The following ITIH5 variants were observed in gnomAD, a reference collection of about 807,000 sequenced individuals.
ITIH5 encodes inter-alpha-trypsin inhibitor heavy chain H5.
Under a neutral mutation model 77.5 loss-of-function variants are expected in ITIH5, and 65 were observed. The ratio of observed to expected loss-of-function variants is 0.84; its 90% CI spans 0.69 to 1.03. ITIH5 has a LOEUF of 1.03. Among genes scored for constraint, ITIH5 ranks in the 50% least tolerant of loss-of-function variants. The pLI, the probability that ITIH5 is intolerant of heterozygous loss-of-function variation, is 0.00. For missense variants in ITIH5, 1,208 were observed against 1,213.1 expected, an observed-to-expected ratio of 1.00 and a Z score of 0.06; for synonymous variants, 525 against 494.3, an observed-to-expected ratio of 1.06 and a Z score of -0.82.
chr10:7,635,877 T>C (rs1303327295), intron 5 of ITIH5, among the ~76,000 whole-genome samples: 1 of 152,170 alleles, frequency 6.6e-6, no homozygotes, highest in African/African-American at 2.4e-5. Flanking sequence ...CAAGAAGACT[T>C]CCTGGGTCAT....
intron 3 of ITIH5, among the ~76,000 whole-genome samples, chr10:7,641,556 G>C (rs1291768951): frequency 6.7e-6 from 1 of 149,288 alleles, no homozygotes; most frequent in Non-Finnish European, 1.5e-5. Flanking sequence ...GAAAGAAAGA[G>C]GAAAGAAAGA....
At chr10:7,563,426 G>A in intron 13 of ITIH5, 42 bp from the exon 14 acceptor site, 1 of 1,567,062 alleles carries the variant, frequency 6.4e-7, no homozygotes, top group Non-Finnish European at 8.7e-7. Flanking sequence ...GTCAAATGCA[G>A]AAACCTCGTG....
chr10:7,566,863 GAAGAAGAA>G, intron 12 of ITIH5, among the ~76,000 whole-genome samples: 1 of 86,018 alleles, frequency 1.2e-5, no homozygotes, highest in Non-Finnish European at 2.3e-5. Context: ...AGAAGAAGAA[GAAGAAGAA>G]GAAGAAGAAG....
chr10:7,642,032 G>A lies in ITIH5; in HGVS notation c.194C>T (p.Ala65Val). The A allele has an allele frequency of 6.2e-7, 1 of 1,613,874 alleles. No homozygotes were observed. The highest frequency in any genetic ancestry group is 8.5e-7 in the Non-Finnish European group (1 of 1,179,772). The change falls in exon 3 of 14, where the codon GCC (alanine) becomes GTC (valine). Residue 65 changes from alanine to valine, a missense_variant. Physicochemically the swap from Ala to Val is moderately conservative, Grantham distance 64 (BLOSUM62 0). Coordinates refer to ENST00000397146, the MANE Select transcript of ITIH5 (RefSeq NM_030569.7). ...SVKSTIISRYAFTTVSCRMLN... is the reference protein window; with the variant it reads ...SVKSTIISRYVFTTVSCRMLN... ...CATTCTGCAGGAAACCGTAGTGAAG[G>A]CATAACGGGAAATGATGGTAGACTT...
intron 2 of ITIH5, among the ~76,000 whole-genome samples, chr10:7,650,898 C>A (rs777000582): frequency 6.6e-6 from 1 of 152,034 alleles, no homozygotes; most frequent in South Asian, 2.1e-4. Context: ...ATACAGTCTA[C>A]GTAGTGATGT....
intron 2 of ITIH5, among the ~76,000 whole-genome samples, chr10:7,644,887 CATAT>C (rs374446986): frequency 1.1e-5 from 1 of 93,588 alleles, no homozygotes; most frequent in Non-Finnish European, 2.0e-5. Context: ...ATATATATCA[CATAT>C]ATATATCACA....
chr10:7,597,063 A>AAAAAAAAAAAAAACAAAAAAAAACAAT (rs750714870), intron 7 of ITIH5, among the ~76,000 whole-genome samples: 1 of 142,648 alleles, frequency 7.0e-6, no homozygotes, highest in Admixed American at 7.1e-5. Flanking sequence ...AAAAAAAAAA[A>AAAAAAAAAAAAAACAAAAAAAAACAAT]ATTCCACCAA....
intron 5 of ITIH5, among the ~76,000 whole-genome samples, chr10:7,627,636 C>G (rs1399017697): frequency 1.1e-4 from 16 of 152,100 alleles, no homozygotes; most frequent in Middle Eastern, 3.2e-3. Context: ...AAAAAGCAAG[C>G]CATAAATTGG....
intron 7 of ITIH5, among the ~76,000 whole-genome samples, chr10:7,599,959 A>C (rs1832982628): frequency 6.6e-6 from 1 of 152,156 alleles, no homozygotes; most frequent in African/African-American, 2.4e-5. Flanking sequence ...AAATTATAAA[A>C]ACGGGTGAAC....
intron 5 of ITIH5, chr10:7,618,311 A>G (rs558578935): frequency 4.6e-5 from 7 of 152,272 alleles, no homozygotes; most frequent in African/African-American, 1.4e-4. Flanking sequence ...GCTTTTTCAC[A>G]TGAAATTTAG....
chr10:7,603,677 G>A (rs940741219), intron 7 of ITIH5, among the ~76,000 whole-genome samples: 12 of 152,036 alleles, frequency 7.9e-5, no homozygotes, highest in Non-Finnish European at 1.5e-4. Context: ...TCCGCCTCCC[G>A]GGTTCACACC....
At chr10:7,648,664 G>A (rs1248948288) in intron 2 of ITIH5, among the ~76,000 whole-genome samples, 1 of 152,110 alleles carries the variant, frequency 6.6e-6, no homozygotes, top group African/African-American at 2.4e-5. Flanking sequence ...TTTTAAAATA[G>A]ATCAAAATCT....
At chr10:7,640,148 C>CAAA (rs56939703) in intron 4 of ITIH5, among the ~76,000 whole-genome samples, 4,821 of 78,978 alleles carry the variant, frequency 0.061, 201 homozygotes, top group Admixed American at 0.12. Context: ...GGGGTAACTA[C>CAAA]AAAAAAAAAA....
At chr10:7,651,501 G>A (rs1017033723) in intron 2 of ITIH5, among the ~76,000 whole-genome samples, 4 of 152,044 alleles carry the variant, frequency 2.6e-5, no homozygotes, top group South Asian at 2.1e-4. Flanking sequence ...CCAGGTGCTC[G>A]GGAGACTGAG....
At chr10:7,570,076 AGAG>A (rs578121181) in intron 11 of ITIH5, 78 of 228,514 alleles carry the variant, frequency 3.4e-4, no homozygotes, top group African/African-American at 1.5e-3. Flanking sequence ...TTGAGAGGTG[AGAG>A]GAGAAGGAAA....
intron 1 of ITIH5, among the ~76,000 whole-genome samples, chr10:7,663,083 A>T (rs951254100): frequency 1.3e-5 from 2 of 152,254 alleles, no homozygotes; most frequent in Non-Finnish European, 1.5e-5. Flanking sequence ...TACAAATCAC[A>T]TTTAAATAAA....
intron 7 of ITIH5, among the ~76,000 whole-genome samples, chr10:7,599,941 G>A (rs1832982309): frequency 6.6e-6 from 1 of 152,172 alleles, no homozygotes; most frequent in Non-Finnish European, 1.5e-5. Context: ...TCTGTTGCAA[G>A]AGGGAAGAAA....
At chr10:7,629,278 CGT>C (rs1296000123) in intron 5 of ITIH5, among the ~76,000 whole-genome samples, 4 of 102,220 alleles carry the variant, frequency 3.9e-5, no homozygotes, top group Admixed American at 3.7e-4. Context: ...CATGTTGTAG[CGT>C]GTGTCCCTGT....
intron 9 of ITIH5, 78 bp from the exon 10 acceptor site, chr10:7,577,090 C>T (rs1832442223): frequency 3.2e-6 from 4 of 1,257,154 alleles, no homozygotes; most frequent in South Asian, 2.9e-5. Flanking sequence ...AAGGAAACTG[C>T]AGACTCTCAG....
Sources: allele counts gnomAD v4.1 joint callset (sites outside exome capture counted in the v4.1 genomes callset), GRCh38; gene constraint gnomAD v4.1.1; transcripts MANE v1.5; gene names NCBI Gene and HGNC (gene_info 2026-07-23, HGNC 2026-07-21).